SLC38A9: variants seen among roughly 807,000 people sequenced by gnomAD.
SLC38A9 encodes neutral amino acid transporter 9.
A neutral mutation model predicts 62.3 loss-of-function variants in SLC38A9; 48 were observed. The observed-to-expected ratio is 0.77, with a 90% confidence interval of 0.61 to 0.98. The LOEUF is 0.98. SLC38A9 is among the 50% of genes least tolerant of loss of function. The probability of loss-of-function intolerance (pLI) is 0.00; values close to 1 mark genes in which losing one functional copy is unlikely to be tolerated. For missense variants in SLC38A9, 541 were observed against 679.8 expected (o/e 0.80, Z 2.27); for synonymous variants, 204 against 227.7 (o/e 0.90, Z 0.94).
chr5:55,689,287 C>T (rs1754396257), intron 3 of SLC38A9, among the ~76,000 whole-genome samples: 1 of 152,112 alleles, frequency 6.6e-6, no homozygotes, highest in Non-Finnish European at 1.5e-5. Flanking sequence ...ATGTAATAGA[C>T]TTCGGGGACA....
chr5:55,676,148 G>A (rs1752050071), intron 3 of SLC38A9, among the ~76,000 whole-genome samples: 1 of 152,078 alleles, frequency 6.6e-6, no homozygotes, highest in Admixed American at 6.6e-5. Flanking sequence ...TGCTTGGATG[G>A]GTGTTGGCTT....
chr5:55,699,536 G>T (rs1465415738), intron 2 of SLC38A9, among the ~76,000 whole-genome samples: 3 of 151,984 alleles, frequency 2.0e-5, no homozygotes, highest in Non-Finnish European at 4.4e-5. Flanking sequence ...AGCATATGAG[G>T]AAATAAAGTA....
chr5:55,694,711 C>A (rs1344284829), intron 3 of SLC38A9, among the ~76,000 whole-genome samples: 1 of 148,270 alleles, frequency 6.7e-6, no homozygotes, highest in Admixed American at 6.8e-5. Flanking sequence ...CTTCCCCTCC[C>A]CTCCCCTCCC....
intron 8 of SLC38A9, 128 bp downstream of exon 8, chr5:55,664,565 T>G (rs1750141674): frequency 8.3e-6 from 4 of 481,850 alleles, no homozygotes; most frequent in Admixed American, 4.4e-5. Flanking sequence ...AAATATATTT[T>G]CCAAAATTAT....
At chr5:55,690,157 T>G (rs919605481) in intron 3 of SLC38A9, among the ~76,000 whole-genome samples, 1 of 152,176 alleles carries the variant, frequency 6.6e-6, no homozygotes, top group Non-Finnish European at 1.5e-5. Flanking sequence ...TTTTTGCTTT[T>G]GTAGAAATTT....
intron 14 of SLC38A9, among the ~76,000 whole-genome samples, chr5:55,632,234 G>A (rs1561298818): frequency 6.6e-6 from 1 of 152,116 alleles, no homozygotes; most frequent in Non-Finnish European, 1.5e-5. Context: ...TCAGGAGATT[G>A]AGACCATCCT....
intron 2 of SLC38A9, among the ~76,000 whole-genome samples, chr5:55,701,145 A>ATT (rs1756595121): frequency 6.6e-6 from 1 of 152,208 alleles, no homozygotes; most frequent in East Asian, 1.9e-4. Context: ...CATATTAGAC[A>ATT]GTATAGACAT....
chr5:55,654,662 T>C (rs891701297), intron 9 of SLC38A9, among the ~76,000 whole-genome samples: 8 of 151,856 alleles, frequency 5.3e-5, no homozygotes, highest in African/African-American at 1.5e-4. Flanking sequence ...GACTGAATAA[T>C]GAATCCCAAC....
At chr5:55,640,160 A>G (rs567229846) in intron 12 of SLC38A9, among the ~76,000 whole-genome samples, 12 of 151,786 alleles carry the variant, frequency 7.9e-5, no homozygotes, top group Non-Finnish European at 1.8e-4. Flanking sequence ...TAATTTCTGT[A>G]TTTTTAGTAG....
In SLC38A9 at chr5:55,629,396, T is replaced by G. The variant is rs560242423; in HGVS notation, c.1431-1416A>C. 1.2e-4 allele frequency among the ~76,000 whole-genome samples: 19 copies of G among 152,222 alleles called. No individual in the cohort carries two copies. The South Asian group carries it at 3.9e-3, about 32-fold the overall frequency. On this transcript the variant is annotated intron_variant, in intron 14 of 15. Transcript: ENST00000396865. ...ATGCTTTCTATACTCTATTCTTTAA[T>G]GCCAAACACTCTCCAAAGTATAAAA...
At chr5:55,675,606 T>C (rs1412962023) in intron 3 of SLC38A9, among the ~76,000 whole-genome samples, 1 of 152,192 alleles carries the variant, frequency 6.6e-6, no homozygotes, top group Non-Finnish European at 1.5e-5. Context: ...CCTATCAATG[T>C]TACTTCTCAT....
At chr5:55,630,968 C>A (rs1743330764) in intron 14 of SLC38A9, among the ~76,000 whole-genome samples, 1 of 151,944 alleles carries the variant, frequency 6.6e-6, no homozygotes, top group African/African-American at 2.4e-5. Context: ...ACCATCTTTA[C>A]TAAAAACACA....
intron 14 of SLC38A9, among the ~76,000 whole-genome samples, chr5:55,630,566 T>A (rs1743261297): frequency 6.6e-6 from 1 of 152,174 alleles, no homozygotes; most frequent in African/African-American, 2.4e-5. Context: ...TCCACCCGCC[T>A]TGGCCTCCCA....
chr5:55,698,889 A>G (rs553786914), intron 2 of SLC38A9, among the ~76,000 whole-genome samples: 12 of 152,214 alleles, frequency 7.9e-5, no homozygotes, highest in African/African-American at 2.6e-4. Flanking sequence ...GTGAGCTATG[A>G]TTGCGCCACT....
At chr5:55,652,357 C>CAAAAAAAAAAAAAA (rs60557392) in intron 10 of SLC38A9, among the ~76,000 whole-genome samples, 172 bp downstream of exon 10, 3 of 56,182 alleles carry the variant, frequency 5.3e-5, no homozygotes, top group African/African-American at 6.8e-5. Context: ...AACTCCGTCT[C>CAAAAAAAAAAAAAA]AAAAAAAAAA....
intron 2 of SLC38A9, among the ~76,000 whole-genome samples, chr5:55,703,524 G>C (rs1005912851): frequency 6.6e-6 from 1 of 152,068 alleles, no homozygotes; most frequent in Non-Finnish European, 1.5e-5. Context: ...AGTGATAATT[G>C]TTACAAAAAT....
chr5:55,692,494 T>G, intron 3 of SLC38A9: 1 of 345,638 alleles, frequency 2.9e-6, no homozygotes, highest in South Asian at 1.2e-4. Context: ...TTTTTTCTCA[T>G]TAAATAGTTT....
At chr5:55,708,717 G>A (rs1757616315) in intron 2 of SLC38A9, among the ~76,000 whole-genome samples, 1 of 152,166 alleles carries the variant, frequency 6.6e-6, no homozygotes, top group South Asian at 2.1e-4. Flanking sequence ...CAGTGTCCTA[G>A]GCTAGAGGTT....
At chr5:55,649,069 A>G in intron 11 of SLC38A9, 138 bp downstream of exon 11, 1 of 475,338 alleles carries the variant, frequency 2.1e-6, no homozygotes, top group South Asian at 5.4e-5. Context: ...AATAATCTCA[A>G]CTGTAGTCCT....
Sources: allele counts gnomAD v4.1 joint callset (sites outside exome capture counted in the v4.1 genomes callset), GRCh38; gene constraint gnomAD v4.1.1; transcripts MANE v1.5; gene names NCBI Gene and HGNC (gene_info 2026-07-23, HGNC 2026-07-21).